Variants in ADCY8 observed in about 807,000 individuals in gnomAD.
ADCY8 encodes the protein adenylate cyclase 8, also known as adenylate cyclase type 8.
Under a neutral mutation model 119.7 loss-of-function variants are expected in ADCY8, and 51 were observed. That is an observed-to-expected ratio of 0.43 (90% confidence interval 0.34 to 0.54). The LOEUF (loss-of-function observed/expected upper bound fraction) is 0.54. ADCY8 is among the 20% of genes least tolerant of loss of function. ADCY8 has a pLI of 0.03. For missense variants in ADCY8, 1,383 were observed against 1,598.8 expected (o/e 0.87, Z 2.30); for synonymous variants, 665 against 651.0 (o/e 1.02, Z -0.33).
intron 1 of ADCY8, among the ~76,000 whole-genome samples, chr8:131,002,543 C>T (rs1563763207): frequency 6.6e-6 from 1 of 152,140 alleles, no homozygotes; most frequent in Non-Finnish European, 1.5e-5. Flanking sequence ...GCCATGCTTC[C>T]TGCCTGCCCT....
In ADCY8 at chr8:130,780,383, A is replaced by C; in HGVS notation, c.*7T>G. The stretch of plus-strand genomic sequence containing the variant: ...ATACAAAAAAAAAAAACAGAAAGAA[A>C]ATGCTTTTATGGCAAATCAGATTTG... On this transcript the variant is annotated 3_prime_UTR_variant, in exon 18 of 18. Transcript: ENST00000286355. The C allele has an allele frequency of 7.0e-7, 1 of 1,422,282 alleles. No homozygotes were observed. The allele number at this position is 1,422,282 out of a possible 1,614,324, so 88.1% of individuals were successfully genotyped here.
At chr8:130,879,685 C>CT (rs760422004) in intron 8 of ADCY8, among the ~76,000 whole-genome samples, 25 of 152,028 alleles carry the variant, frequency 1.6e-4, no homozygotes, top group Non-Finnish European at 2.6e-4. Context: ...TAGTGAAAAA[C>CT]TTTTTTTAAA....
chr8:130,903,405 T>C (rs951491195), intron 7 of ADCY8, among the ~76,000 whole-genome samples: 14 of 151,376 alleles, frequency 9.2e-5, no homozygotes, highest in African/African-American at 3.4e-4. Context: ...GGCATTCCCA[T>C]GTACTTGATC....
chr8:131,039,462 C>G lies in ADCY8; in HGVS notation c.872G>C (p.Trp291Ser). 6.2e-7 allele frequency: 1 copy of G among 1,614,160 alleles called. No individual in the cohort carries two copies. Among genetic ancestry groups the G allele is most frequent in the Non-Finnish European group, 8.5e-7 (1 of 1,180,036 alleles). Reference sequence around the variant, plus strand: ...GGTGCCCAGGCCGGCCAGGATGGCCCAGGTGAGCGGCAGCGGCAGCATACT... The same window carrying G: ...GGTGCCCAGGCCGGCCAGGATGGCCGAGGTGAGCGGCAGCGGCAGCATACT... The part of the protein sequence containing the change: ...TYSMLPLPLT[W>S]AILAGLGTSL... Residue 291 changes from tryptophan to serine, a missense_variant, in exon 1 of 18, where the codon TGG (tryptophan) becomes TCG (serine). By Grantham distance (177) the Trp-to-Ser change is radical. Coordinates refer to ENST00000286355, the MANE Select transcript of ADCY8 (RefSeq NM_001115.3).
chr8:131,008,820 C>T lies in ADCY8; in HGVS notation c.961-18278G>A, dbSNP rs1823206864. On this transcript the variant is annotated intron_variant, in intron 1 of 17. Coordinates refer to ENST00000286355, the MANE Select transcript of ADCY8 (RefSeq NM_001115.3). ...CTGATAGTGATATGGACAATGAAGTCCAGGATGAGGTGGTCTCAGATGTAG... is the reference window on the plus strand; with the variant it reads ...CTGATAGTGATATGGACAATGAAGTTCAGGATGAGGTGGTCTCAGATGTAG... Among the ~76,000 whole-genome samples the T allele has an allele frequency of 3.9e-5, 6 of 152,058 alleles. No homozygotes were observed. In the South Asian group the frequency reaches 1.2e-3, roughly 32 times the overall value.
intron 8 of ADCY8, among the ~76,000 whole-genome samples, chr8:130,880,763 G>A (rs1818740642): frequency 1.3e-5 from 2 of 152,162 alleles, no homozygotes; most frequent in Non-Finnish European, 2.9e-5. Context: ...CACACTGGGT[G>A]ATTTTTTAGA....
chr8:130,972,814 T>C (rs1441844228), intron 2 of ADCY8, among the ~76,000 whole-genome samples: 2 of 149,090 alleles, frequency 1.3e-5, no homozygotes, highest in East Asian at 2.0e-4. Context: ...GTACATTTTC[T>C]AGCTGAGTGA....
At chr8:130,985,159 T>C (rs572612749) in intron 2 of ADCY8, among the ~76,000 whole-genome samples, 1 of 152,172 alleles carries the variant, frequency 6.6e-6, no homozygotes, top group African/African-American at 2.4e-5. Flanking sequence ...GGGGGGTGAC[T>C]CAGCAATGCC....
chr8:130,924,181 C>T (rs945155174), intron 5 of ADCY8, among the ~76,000 whole-genome samples: 13 of 152,188 alleles, frequency 8.5e-5, no homozygotes, highest in Non-Finnish European at 1.6e-4. Context: ...GTCATGTGAT[C>T]TAGGTGGAGG....
chr8:130,953,354 T>A (rs998590213), intron 2 of ADCY8, among the ~76,000 whole-genome samples: 9 of 152,226 alleles, frequency 5.9e-5, no homozygotes, highest in Admixed American at 5.2e-4. Flanking sequence ...TATTTATGGG[T>A]ATTAAGCATT....
chr8:130,887,136 G>A (rs532055949), intron 7 of ADCY8, among the ~76,000 whole-genome samples: 51 of 152,198 alleles, frequency 3.4e-4, no homozygotes, highest in Non-Finnish European at 6.0e-4. Context: ...ATTGATACTG[G>A]TATGTAGAGG....
At chr8:131,012,470 C>A (rs1364352364) in intron 1 of ADCY8, among the ~76,000 whole-genome samples, 1 of 152,144 alleles carries the variant, frequency 6.6e-6, no homozygotes, top group Non-Finnish European at 1.5e-5. Context: ...GAGAAACCTA[C>A]CAGGATCATA....
chr8:130,939,356 G>A (rs977696489), intron 4 of ADCY8, among the ~76,000 whole-genome samples: 1 of 152,088 alleles, frequency 6.6e-6, no homozygotes, highest in Non-Finnish European at 1.5e-5. Context: ...GTGTATGAAG[G>A]AGAATTTGAG....
chr8:130,824,516 A>G (rs997384965), intron 12 of ADCY8, among the ~76,000 whole-genome samples: 6 of 152,226 alleles, frequency 3.9e-5, no homozygotes, highest in Non-Finnish European at 8.8e-5. Context: ...TAAAGGATAA[A>G]AATAATGCCT....
chr8:131,008,517 C>G (rs989565424), intron 1 of ADCY8, among the ~76,000 whole-genome samples: 3 of 152,160 alleles, frequency 2.0e-5, no homozygotes, highest in Admixed American at 2.0e-4. Flanking sequence ...TGAGGCCTCT[C>G]CAGCCAGCCA....
In ADCY8 at chr8:130,869,526, GT is replaced by G. The variant is rs1275593013; in HGVS notation, c.2110-1581del. Among the ~76,000 whole-genome samples, 66 of 114,638 alleles carry G rather than the reference GT, an allele frequency of 5.8e-4. 2 individuals are homozygous for G. The highest frequency in any genetic ancestry group is 2.4e-3 in the Admixed American group (27 of 11,100). 75.2% of individuals were successfully genotyped at this position (114,638 alleles called of 152,430 possible). Reference sequence around the variant, plus strand: ...TTTGTTTATTTTTTTTTGTTTTTTTGTTTTTTTTTGAGACAGAGTCTCGCTC... The same window carrying G: ...TTTGTTTATTTTTTTTTGTTTTTTTGTTTTTTTTGAGACAGAGTCTCGCTC... On this transcript the variant is annotated intron_variant, in intron 8 of 17. Coordinates refer to ENST00000286355, the MANE Select transcript of ADCY8 (RefSeq NM_001115.3).
At chr8:130,927,452 G>C (rs1820506541) in intron 5 of ADCY8, among the ~76,000 whole-genome samples, 1 of 152,068 alleles carries the variant, frequency 6.6e-6, no homozygotes, top group South Asian at 2.1e-4. Context: ...TGATTTTCTT[G>C]CTATTGAGTT....
chr8:130,943,311 A>C, intron 4 of ADCY8, 40 bp downstream of exon 4: 2 of 1,387,284 alleles, frequency 1.4e-6, no homozygotes, highest in South Asian at 2.3e-5. Context: ...GCAGTCCCTC[A>C]CTCCTGCAAA....
chr8:130,857,045 T>G (rs1817760825), intron 9 of ADCY8, among the ~76,000 whole-genome samples: 1 of 146,718 alleles, frequency 6.8e-6, no homozygotes, highest in Admixed American at 7.0e-5. Flanking sequence ...TGACCATCAA[T>G]TCCTGAAATA....
Sources: gnomAD v4.1 joint callset for allele counts (sites outside exome capture counted in the v4.1 genomes callset) on GRCh38, gnomAD v4.1.1 for gene constraint, MANE v1.5 for transcripts, NCBI Gene and HGNC (gene_info 2026-07-23, HGNC 2026-07-21) for gene names.